WWOX: variants seen among roughly 807,000 people sequenced by gnomAD.
WWOX encodes WW domain-containing oxidoreductase.
In WWOX, 69 loss-of-function variants were observed where a neutral mutation model predicts 46.2. The observed-to-expected ratio is 1.49, with a 90% confidence interval of 1.23 to 1.82. The LOEUF (loss-of-function observed/expected upper bound fraction) is 1.82. Ranked by LOEUF, WWOX falls within the 40% of genes most tolerant of loss-of-function variation. The pLI is 0.00. For missense variants in WWOX, 919 were observed against 542.6 expected (o/e 1.69, Z -6.89); for synonymous variants, 359 against 202.6 (o/e 1.77, Z -6.56).
At chr16:78,936,341 C>G (rs746411830) in intron 8 of WWOX, among the ~76,000 whole-genome samples, 5 of 152,162 alleles carry the variant, frequency 3.3e-5, no homozygotes, top group Non-Finnish European at 5.9e-5. Context: ...CTGGACTTAT[C>G]TGGAATGACT....
At chr16:78,451,170 AT>A (rs954655007) in intron 8 of WWOX, among the ~76,000 whole-genome samples, 3 of 151,888 alleles carry the variant, frequency 2.0e-5, no homozygotes, top group Non-Finnish European at 4.4e-5. Flanking sequence ...ATCCAAAGCC[AT>A]TTTTTTTAAA....
rs148845271 is a variant in WWOX, at chr16:78,152,659, AC to A, written c.410-11522del. ...TGGGCATTTTTCTCACTCATTCCTA[AC>A]CAGGACTGTCACTGGCAGGTTAAAT... On this transcript the variant is annotated intron_variant, in intron 4 of 8. Transcript: ENST00000566780. Among the ~76,000 whole-genome samples, 996 of 152,220 alleles carry A rather than the reference AC, an allele frequency of 6.5e-3. 10 individuals carry two copies. The highest frequency in any genetic ancestry group is 0.023 in the African/African-American group (949 of 41,548).
chr16:78,449,349 A>G (rs1162870291), intron 8 of WWOX, among the ~76,000 whole-genome samples: 1 of 152,194 alleles, frequency 6.6e-6, no homozygotes, highest in African/African-American at 2.4e-5. Context: ...TTAGAAGGAA[A>G]TCACTGAGTC....
intron 8 of WWOX, among the ~76,000 whole-genome samples, chr16:79,079,074 A>C (rs1403300101): frequency 6.6e-6 from 1 of 152,226 alleles, no homozygotes; most frequent in African/African-American, 2.4e-5. Context: ...TTAGTGCCTT[A>C]ACATAATATA....
Position 78,715,077 on chromosome 16 carries a change from T to A in WWOX, c.1056+282325T>A, listed in dbSNP as rs551872154. 4.6e-5 allele frequency among the ~76,000 whole-genome samples: 7 copies of A among 152,124 alleles called. No homozygotes were observed. The South Asian group carries it at 1.5e-3, about 32-fold the overall frequency. ...GGGATGATTGCTTGAGCCCAGGAAT[T>A]TGAGACCAACCTGGGCCACATAGTG... On this transcript the variant is annotated intron_variant, in intron 8 of 8. Coordinates refer to ENST00000566780, the MANE Select transcript of WWOX (RefSeq NM_016373.4).
At chr16:78,739,491 G>C (rs993843087) in intron 8 of WWOX, among the ~76,000 whole-genome samples, 3 of 152,206 alleles carry the variant, frequency 2.0e-5, no homozygotes, top group Middle Eastern at 6.8e-3. Context: ...ACAACAGGTC[G>C]GTAAGAAGAG....
intron 8 of WWOX, among the ~76,000 whole-genome samples, chr16:78,787,628 G>T (rs2050490593): frequency 6.6e-6 from 1 of 152,144 alleles, no homozygotes; most frequent in Non-Finnish European, 1.5e-5. Context: ...GATCATACAT[G>T]TACTGTTTTT....
intron 8 of WWOX, among the ~76,000 whole-genome samples, chr16:79,012,366 G>A (rs1409151078): frequency 6.6e-6 from 1 of 152,082 alleles, no homozygotes; most frequent in African/African-American, 2.4e-5. Context: ...CCGAGTAGCT[G>A]AGATTACAGG....
intron 5 of WWOX, among the ~76,000 whole-genome samples, chr16:78,238,664 G>A (rs141119026): frequency 0.011 from 1,734 of 152,196 alleles, 20 homozygotes; most frequent in African/African-American, 0.023. Context: ...TTGTTGCCCA[G>A]GCTGGAGTGC....
At chr16:78,759,908 A>G (rs914593975) in intron 8 of WWOX, among the ~76,000 whole-genome samples, 3 of 152,148 alleles carry the variant, frequency 2.0e-5, no homozygotes, top group Non-Finnish European at 4.4e-5. Context: ...GCTCACGGCC[A>G]CAGCACTCTA....
intron 5 of WWOX, among the ~76,000 whole-genome samples, chr16:78,309,697 T>G (rs2080203271): frequency 6.6e-6 from 1 of 152,228 alleles, no homozygotes; most frequent in African/African-American, 2.4e-5. Flanking sequence ...ATTTTAGAGT[T>G]TCACTCTTTC....
chr16:79,019,222 G>A (rs958726538), intron 8 of WWOX, among the ~76,000 whole-genome samples: 3 of 133,274 alleles, frequency 2.3e-5, no homozygotes, highest in Non-Finnish European at 4.7e-5. Flanking sequence ...GACTCAAAAT[G>A]TGTCACTTAG....
intron 8 of WWOX, among the ~76,000 whole-genome samples, chr16:78,876,408 T>A (rs955608863): frequency 6.6e-6 from 1 of 152,022 alleles, no homozygotes; most frequent in Admixed American, 6.6e-5. Flanking sequence ...GACTCTGTTA[T>A]GACAGAAACT....
At chr16:78,658,824 GCTCATGCCTGT>G (rs2047140401) in intron 8 of WWOX, among the ~76,000 whole-genome samples, 1 of 151,776 alleles carries the variant, frequency 6.6e-6, no homozygotes. Flanking sequence ...GGGCACGGTG[GCTCATGCCTGT>G]AATCCCAGAA....
chr16:79,010,303 C>T lies in WWOX; in HGVS notation c.1057-201305C>T, dbSNP rs1370253439. Reference sequence around the variant, plus strand: ...GGGAGACACTCACATTAGAGAGTGGCGTGTGCTGAGGGAAGGTGCCTCAGG... The same window carrying T: ...GGGAGACACTCACATTAGAGAGTGGTGTGTGCTGAGGGAAGGTGCCTCAGG... On this transcript the variant is annotated intron_variant, in intron 8 of 8. Coordinates refer to ENST00000566780, the MANE Select transcript of WWOX (RefSeq NM_016373.4). Among the ~76,000 whole-genome samples, 6 of 152,236 alleles carry T rather than the reference C, an allele frequency of 3.9e-5. No homozygotes were observed. In the East Asian group the frequency reaches 1.2e-3, roughly 30 times the overall value.
At chr16:79,056,970 C>G (rs1329526231) in intron 8 of WWOX, among the ~76,000 whole-genome samples, 3 of 152,158 alleles carry the variant, frequency 2.0e-5, no homozygotes, top group Admixed American at 2.0e-4. Context: ...TATTATCTAT[C>G]ACTTTTGAAA....
At chr16:78,131,222 C>T (rs577585603) in intron 4 of WWOX, among the ~76,000 whole-genome samples, 5 of 152,056 alleles carry the variant, frequency 3.3e-5, no homozygotes, top group South Asian at 2.1e-4. Flanking sequence ...TAAATTGATT[C>T]GCTTTTGTGA....
intron 8 of WWOX, among the ~76,000 whole-genome samples, chr16:78,856,759 T>C (rs1007493146): frequency 6.6e-6 from 1 of 152,144 alleles, no homozygotes; most frequent in African/African-American, 2.4e-5. Context: ...TACATAGATT[T>C]AACACACATA....
chr16:79,129,604 A>G (rs1319145216), intron 8 of WWOX, among the ~76,000 whole-genome samples: 1 of 152,084 alleles, frequency 6.6e-6, no homozygotes, highest in Non-Finnish European at 1.5e-5. Flanking sequence ...AGGGACAAGC[A>G]AAGCATACAC....
Sources: gnomAD v4.1 joint callset for allele counts (sites outside exome capture counted in the v4.1 genomes callset) on GRCh38, gnomAD v4.1.1 for gene constraint, MANE v1.5 for transcripts, NCBI Gene and HGNC (gene_info 2026-07-23, HGNC 2026-07-21) for gene names.